DCC: variants seen among roughly 807,000 people sequenced by gnomAD.
DCC encodes netrin receptor DCC.
In DCC, 58 loss-of-function variants were observed where a neutral mutation model predicts 172.5. That is an observed-to-expected ratio of 0.34 (90% CI 0.27 to 0.42). The LOEUF (loss-of-function observed/expected upper bound fraction) is 0.42. DCC is among the 10% of genes least tolerant of loss of function. DCC has a pLI of 1.00. For missense variants in DCC, 1,740 were observed against 1,791.0 expected, an observed-to-expected ratio of 0.97 and a Z score of 0.51; for synonymous variants, 709 against 644.5, an observed-to-expected ratio of 1.10 and a Z score of -1.52.
At chr18:52,624,495 C>T (rs144489938) in intron 1 of DCC, among the ~76,000 whole-genome samples, 221 of 152,244 alleles carry the variant, frequency 1.5e-3, no homozygotes, top group Non-Finnish European at 2.4e-3. Flanking sequence ...GTTTGTTCTC[C>T]AGAGTCCTTT....
At chr18:52,532,959 C>T (rs2144687445) in intron 1 of DCC, among the ~76,000 whole-genome samples, 1 of 152,260 alleles carries the variant, frequency 6.6e-6, no homozygotes, top group East Asian at 1.9e-4. Flanking sequence ...CACCACCTCT[C>T]ACCACCCCAG....
chr18:53,086,230 G>GTTC (rs202192672), intron 7 of DCC, among the ~76,000 whole-genome samples: 1 of 30,500 alleles, frequency 3.3e-5, no homozygotes, highest in African/African-American at 4.2e-4. Context: ...TTCTTCTTCC[G>GTTC]TTCTTCTTCT....
chr18:52,751,260 T>G (rs1053203688), intron 1 of DCC, among the ~76,000 whole-genome samples: 5 of 152,218 alleles, frequency 3.3e-5, no homozygotes, highest in African/African-American at 1.2e-4. Flanking sequence ...ATGTGAGTAT[T>G]CTGTCAAATG....
intron 1 of DCC, among the ~76,000 whole-genome samples, chr18:52,646,942 C>T (rs1009996049): frequency 6.6e-6 from 1 of 152,264 alleles, no homozygotes. Flanking sequence ...AGGAGGCCCA[C>T]TCCAAGACAC....
intron 5 of DCC, among the ~76,000 whole-genome samples, chr18:52,953,293 C>A (rs10502958): frequency 0.021 from 3,253 of 152,290 alleles, 61 homozygotes; most frequent in Admixed American, 0.039. Context: ...AGTGTCCATA[C>A]ATCCTCACCC....
At position 52,815,914 on chromosome 18, in the gene DCC, C is replaced by T. The variant is rs866878701; in HGVS notation, c.412+63540C>T. Among the ~76,000 whole-genome samples, 5 of 151,980 alleles carry T rather than the reference C, an allele frequency of 3.3e-5. 1 individual carries two copies. In the South Asian group the frequency reaches 8.5e-4, roughly 26 times the overall value. On this transcript the variant is annotated intron_variant, in intron 2 of 28. Coordinates refer to ENST00000442544, the MANE Select transcript of DCC (RefSeq NM_005215.4). The stretch of plus-strand genomic sequence containing the variant: ...AATGTGTCCAAAGGCCACCAGTTTG[C>T]ACATTTACAACAGAGAACAACTTTA...
chr18:53,162,408 TCC>T (rs1028848518), intron 8 of DCC, among the ~76,000 whole-genome samples: 24 of 152,262 alleles, frequency 1.6e-4, no homozygotes, highest in African/African-American at 5.8e-4. Context: ...TGCAGTAATC[TCC>T]TAATTCTAGT....
chr18:52,824,967 C>T (rs1181065172), intron 2 of DCC, among the ~76,000 whole-genome samples: 2 of 148,286 alleles, frequency 1.3e-5, no homozygotes, highest in African/African-American at 2.5e-5. Context: ...GAGACTCCCT[C>T]ATATATATAT....
At chr18:53,425,724 TACAGTATCAGCCACTTCAAATG>T (rs1225100915) in intron 21 of DCC, among the ~76,000 whole-genome samples, 1 of 152,102 alleles carries the variant, frequency 6.6e-6, no homozygotes, top group Non-Finnish European at 1.5e-5. Context: ...ATCAGAGTCA[TACAGTATCAGCCACTTCAAATG>T]AAACCCTGTG....
Position 53,497,617 on chromosome 18 carries a change from C to T in DCC, c.3899-1681C>T, listed in dbSNP as rs117658737. Among the ~76,000 whole-genome samples, 179 of 152,294 alleles carry T rather than the reference C, an allele frequency of 1.2e-3. 1 individual carries two copies. The highest frequency in any genetic ancestry group is 9.5e-3 in the South Asian group (46 of 4,828). On this transcript the variant is annotated intron_variant, in intron 26 of 28. Coordinates refer to ENST00000442544, the MANE Select transcript of DCC (RefSeq NM_005215.4). ...TTTTCATTGTCTCTAGAACCACACT[C>T]ACAAAAATCTCATTACATGACACTG... is the stretch of plus-strand genomic sequence containing the variant.
At chr18:53,042,851 A>G (rs573086919) in intron 5 of DCC, among the ~76,000 whole-genome samples, 2 of 151,944 alleles carry the variant, frequency 1.3e-5, no homozygotes, top group Non-Finnish European at 2.9e-5. Flanking sequence ...ACACTTTTAC[A>G]CTGTTGGTGG....
At chr18:53,264,476 C>CA (rs935972832) in intron 12 of DCC, among the ~76,000 whole-genome samples, 2,184 of 45,878 alleles carry the variant, frequency 0.048, 41 homozygotes, top group East Asian at 0.21. Context: ...AACTCCGTCT[C>CA]AAAAAAAAAA....
chr18:53,226,815 A>C (rs1176308604), intron 12 of DCC, among the ~76,000 whole-genome samples: 1 of 151,512 alleles, frequency 6.6e-6, no homozygotes, highest in Non-Finnish European at 1.5e-5. Flanking sequence ...AAAACTGAGC[A>C]TACATTTTAT....
chr18:52,684,386 G>GT (rs11341428), intron 1 of DCC, among the ~76,000 whole-genome samples: 7 of 149,064 alleles, frequency 4.7e-5, no homozygotes, highest in African/African-American at 1.7e-4. Context: ...TTTCTTTCTT[G>GT]TTTTTTTTTT....
chr18:53,529,022 TCTCTCTCTCTCTCTCTCACACACACA>T (rs33976008), intron 28 of DCC, among the ~76,000 whole-genome samples: 25,271 of 128,468 alleles, frequency 0.2, 2,354 homozygotes, highest in East Asian at 0.35. Flanking sequence ...TCTCTCTCTC[TCTCTCTCTCTCTCTCTCACACACACA>T]CACACACACA....
At chr18:53,070,174 T>A (rs539451667) in intron 7 of DCC, among the ~76,000 whole-genome samples, 3 of 152,174 alleles carry the variant, frequency 2.0e-5, no homozygotes, top group South Asian at 4.2e-4. Flanking sequence ...TTTATTGGTA[T>A]TTTTTAATAG....
At chr18:53,379,560 C>T (rs12963775) in intron 15 of DCC, among the ~76,000 whole-genome samples, 37,434 of 152,072 alleles carry the variant, frequency 0.25, 4,940 homozygotes, top group Middle Eastern at 0.33. Flanking sequence ...AAAAAAAGCT[C>T]TTAGAATAAT....
intron 1 of DCC, among the ~76,000 whole-genome samples, chr18:52,405,837 G>A (rs2144389169): frequency 6.6e-6 from 1 of 151,046 alleles, no homozygotes; most frequent in African/African-American, 2.4e-5. Flanking sequence ...AGTTCATATG[G>A]AACCAAAAAA....
At chr18:52,343,604 A>G (rs1424680378) in intron 1 of DCC, among the ~76,000 whole-genome samples, 1 of 152,226 alleles carries the variant, frequency 6.6e-6, no homozygotes, top group African/African-American at 2.4e-5. Flanking sequence ...CATGAGCCAC[A>G]GGCACAGGAA....
Sources: allele counts gnomAD v4.1 joint callset (sites outside exome capture counted in the v4.1 genomes callset), GRCh38; gene constraint gnomAD v4.1.1; transcripts MANE v1.5; gene names NCBI Gene and HGNC (gene_info 2026-07-23, HGNC 2026-07-21).